ARHGAP17: variants seen among roughly 807,000 people sequenced by gnomAD.
ARHGAP17 encodes rho GTPase-activating protein 17.
Under a neutral mutation model 99.5 loss-of-function variants are expected in ARHGAP17, and 57 were observed. That is an observed-to-expected ratio of 0.57 (90% CI 0.46 to 0.71). The LOEUF is 0.71. Ranked by LOEUF, ARHGAP17 falls within the 30% of genes least tolerant of loss-of-function variation. The pLI, the probability that ARHGAP17 is intolerant of heterozygous loss-of-function variation, is 0.00. For synonymous variants in ARHGAP17, 417 were observed against 429.6 expected, an observed-to-expected ratio of 0.97 and a Z score of 0.36; for missense variants, 1,000 against 1,122.4, an observed-to-expected ratio of 0.89 and a Z score of 1.56.
intron 1 of ARHGAP17, among the ~76,000 whole-genome samples, chr16:24,981,197 A>G (rs917074785): frequency 6.6e-5 from 10 of 152,140 alleles, no homozygotes; most frequent in Non-Finnish European, 2.9e-5. Context: ...AACATAAACA[A>G]CTGCAAACAA....
rs1489688822 is a variant in ARHGAP17, at chr16:25,015,312, G to A, written c.-51C>T. 1.6e-6 allele frequency: 2 copies of A among 1,281,024 alleles called. No homozygotes were observed. The highest frequency in any genetic ancestry group is 2.0e-6 in the Non-Finnish European group (2 of 1,009,744). The allele number at this position is 1,281,024 out of a possible 1,614,324, so 79.4% of individuals were successfully genotyped here. On this transcript the variant is annotated 5_prime_UTR_variant, in exon 1 of 20. Transcript: ENST00000289968. The stretch of plus-strand genomic sequence containing the variant: ...GGGGCTCGGGCCGGGCAGGGCGGGG[G>A]ACAGCCTGGCAGCTACTACATCGCT...
chr16:24,991,340 T>C (rs1370965195), intron 1 of ARHGAP17, among the ~76,000 whole-genome samples: 1 of 152,226 alleles, frequency 6.6e-6, no homozygotes, highest in Non-Finnish European at 1.5e-5. Context: ...CATGGAGTGT[T>C]AGCTGTTCTG....
chr16:24,939,237 T>C, intron 17 of ARHGAP17, 127 bp downstream of exon 17: 1 of 803,832 alleles, frequency 1.2e-6, no homozygotes, highest in South Asian at 2.1e-5. Flanking sequence ...ACCAGAGGAG[T>C]GAAAGTAAAT....
chr16:25,013,912 T>C (rs1388675029), intron 1 of ARHGAP17: 1 of 152,208 alleles, frequency 6.6e-6, no homozygotes, highest in Non-Finnish European at 1.5e-5. Flanking sequence ...TCAGCCGCCA[T>C]TACCACACGT....
intron 13 of ARHGAP17, among the ~76,000 whole-genome samples, 181 bp from the exon 14 acceptor site, chr16:24,947,776 A>C (rs1049667283): frequency 6.6e-6 from 1 of 152,182 alleles, no homozygotes; most frequent in Non-Finnish European, 1.5e-5. Flanking sequence ...CAGATAATAG[A>C]CTAATTAGGG....
chr16:24,943,480 C>T (rs896337294), intron 15 of ARHGAP17, among the ~76,000 whole-genome samples: 3 of 152,138 alleles, frequency 2.0e-5, no homozygotes, highest in African/African-American at 4.8e-5. Flanking sequence ...CTCCAGTGGC[C>T]GGAGTTCCCC....
chr16:24,957,608 G>A (rs1025795313), intron 9 of ARHGAP17: 1 of 152,312 alleles, frequency 6.6e-6, no homozygotes, highest in African/African-American at 2.4e-5. Context: ...CGGGTCAAAT[G>A]CCAGGATCTG....
intron 9 of ARHGAP17, among the ~76,000 whole-genome samples, chr16:24,959,372 G>A (rs113543910): frequency 0.023 from 3,568 of 152,240 alleles, 121 homozygotes; most frequent in African/African-American, 0.079. Flanking sequence ...ATTCAATGCT[G>A]GACTTTTTCA....
chr16:24,992,142 G>A, intron 1 of ARHGAP17, among the ~76,000 whole-genome samples: 1 of 152,088 alleles, frequency 6.6e-6, no homozygotes, highest in East Asian at 1.9e-4. Context: ...ATGGAACTCG[G>A]GGGCAACAGG....
intron 1 of ARHGAP17, 80 bp downstream of exon 1, chr16:25,015,129 G>C: frequency 8.5e-7 from 1 of 1,182,976 alleles, no homozygotes; most frequent in East Asian, 3.6e-5. Flanking sequence ...GCCGGACCGC[G>C]GAGGAGCCGT....
rs1191249364 is a variant in ARHGAP17, at chr16:24,942,111, G to A, written c.1366C>T (p.Pro456Ser). The change falls in exon 16 of 20, where the codon CCT (proline) becomes TCT (serine). Residue 456 changes from proline (P) to serine (S), a missense_variant. Coordinates refer to ENST00000289968, the MANE Select transcript of ARHGAP17 (RefSeq NM_001006634.3). ...VEFNVSEAFV[P>S]LTTPSSNHSF... ...TGATTAGAACTCGGGGTGGTGAGAG[G>A]TACAAATGCTTCTGATACATTAAAT... 1.2e-6 allele frequency: 2 copies of A among 1,613,510 alleles called. No individual in the cohort carries two copies. The highest frequency in any genetic ancestry group is 1.6e-4 in the Middle Eastern group (1 of 6,064).
intron 12 of ARHGAP17, among the ~76,000 whole-genome samples, chr16:24,950,769 G>A (rs1223295953): frequency 6.7e-6 from 1 of 148,844 alleles, no homozygotes; most frequent in African/African-American, 2.6e-5. Context: ...CCAGGGAGGT[G>A]GAGGTTGCAG....
At chr16:25,014,464 C>A (rs2053727885) in intron 1 of ARHGAP17, among the ~76,000 whole-genome samples, 1 of 152,242 alleles carries the variant, frequency 6.6e-6, no homozygotes, top group Non-Finnish European at 1.5e-5. Context: ...TCTTGTTAAG[C>A]ACTTCAACCG....
chr16:24,957,404 G>C (rs1229798218), intron 9 of ARHGAP17: 2 of 152,310 alleles, frequency 1.3e-5, no homozygotes, highest in Admixed American at 6.5e-5. Context: ...GTGAGGGTGG[G>C]AGAGAACAGA....
At chr16:24,943,933 G>A (rs2141199055) in intron 14 of ARHGAP17, 71 bp from the exon 15 acceptor site, 1 of 1,310,798 alleles carries the variant, frequency 7.6e-7, no homozygotes, top group Non-Finnish European at 1.1e-6. Context: ...TTGTGTCAGG[G>A]CAATTCAATT....
intron 1 of ARHGAP17, among the ~76,000 whole-genome samples, chr16:25,003,038 CA>C (rs1177218423): frequency 3.5e-3 from 188 of 53,296 alleles, no homozygotes; most frequent in African/African-American, 8.4e-3. Flanking sequence ...GACTCCGTCT[CA>C]AAAAAAAAAA....
At chr16:25,009,203 T>TA (rs1456288294) in intron 1 of ARHGAP17, among the ~76,000 whole-genome samples, 1 of 151,892 alleles carries the variant, frequency 6.6e-6, no homozygotes, top group Non-Finnish European at 1.5e-5. Context: ...CCATCTCTAC[T>TA]AAAAAATACA....
At chr16:24,925,906 C>T (rs796879066) in intron 19 of ARHGAP17, among the ~76,000 whole-genome samples, 17 of 152,038 alleles carry the variant, frequency 1.1e-4, no homozygotes, top group Non-Finnish European at 1.9e-4. Flanking sequence ...GTCAGCAGAT[C>T]GAGACCATCT....
chr16:24,990,576 G>C (rs2053009218), intron 1 of ARHGAP17, among the ~76,000 whole-genome samples: 1 of 151,960 alleles, frequency 6.6e-6, no homozygotes, highest in Non-Finnish European at 1.5e-5. Flanking sequence ...AGGGTCATTT[G>C]AGCCTGGGAA....
Sources: allele counts gnomAD v4.1 joint callset (sites outside exome capture counted in the v4.1 genomes callset), GRCh38; gene constraint gnomAD v4.1.1; transcripts MANE v1.5; gene names NCBI Gene and HGNC (gene_info 2026-07-23, HGNC 2026-07-21).